Variants in KCNIP4 observed in about 807,000 individuals in gnomAD.
The protein encoded by KCNIP4 is Kv channel-interacting protein 4.
In KCNIP4, 12 loss-of-function variants were observed where a neutral mutation model predicts 34.0. The ratio of observed to expected loss-of-function variants is 0.35; its 90% CI spans 0.23 to 0.57. The LOEUF (loss-of-function observed/expected upper bound fraction) is 0.57. Ranked by LOEUF, KCNIP4 falls within the 20% of genes least tolerant of loss-of-function variation. The pLI is 0.83. For synonymous variants in KCNIP4, 124 were observed against 102.2 expected, an observed-to-expected ratio of 1.21 and a Z score of -1.29; for missense variants, 238 against 311.7, an observed-to-expected ratio of 0.76 and a Z score of 1.78.
At chr4:21,715,232 C>T (rs533034169) in intron 1 of KCNIP4, among the ~76,000 whole-genome samples, 47 of 151,652 alleles carry the variant, frequency 3.1e-4, no homozygotes, top group Admixed American at 2.2e-3. Context: ...ACCAGGTTCA[C>T]GCCATTCTCC....
At chr4:21,420,482 AG>A (rs1373375404) in intron 1 of KCNIP4, among the ~76,000 whole-genome samples, 6 of 152,340 alleles carry the variant, frequency 3.9e-5, no homozygotes, top group African/African-American at 1.4e-4. Flanking sequence ...CTTGCTGAAA[AG>A]CATTCAATAT....
At chr4:21,258,552 T>A (rs1345713366) in intron 1 of KCNIP4, among the ~76,000 whole-genome samples, 1 of 152,198 alleles carries the variant, frequency 6.6e-6, no homozygotes, top group East Asian at 1.9e-4. Context: ...CTTATATCTT[T>A]AAGACAATAA....
At chr4:20,989,136 C>T (rs1736855997) in intron 1 of KCNIP4, among the ~76,000 whole-genome samples, 1 of 152,200 alleles carries the variant, frequency 6.6e-6, no homozygotes, top group African/African-American at 2.4e-5. Flanking sequence ...ATTGAGTTCT[C>T]ACATGTATAT....
chr4:20,854,950 T>G (rs1032883757), intron 2 of KCNIP4, among the ~76,000 whole-genome samples: 1 of 152,204 alleles, frequency 6.6e-6, no homozygotes, highest in Non-Finnish European at 1.5e-5. Context: ...TTTGTGCCCA[T>G]AGATGTTTGG....
intron 1 of KCNIP4, among the ~76,000 whole-genome samples, chr4:21,368,788 A>G (rs1379900319): frequency 6.8e-6 from 1 of 147,674 alleles, no homozygotes; most frequent in Non-Finnish European, 1.5e-5. Context: ...TGAATAAAAA[A>G]TAATGGATAT....
chr4:21,086,352 C>T (rs929332959), intron 1 of KCNIP4, among the ~76,000 whole-genome samples: 1 of 152,172 alleles, frequency 6.6e-6, no homozygotes, highest in Non-Finnish European at 1.5e-5. Flanking sequence ...CCATCTCCAT[C>T]GTTGCATTGA....
At chr4:21,035,882 G>A (rs965000677) in intron 1 of KCNIP4, among the ~76,000 whole-genome samples, 6 of 152,138 alleles carry the variant, frequency 3.9e-5, no homozygotes, top group South Asian at 2.1e-4. Context: ...AGAGTGGGAC[G>A]TGCTTGAGAG....
intron 1 of KCNIP4, among the ~76,000 whole-genome samples, chr4:21,270,090 T>C (rs1359094877): frequency 6.6e-6 from 1 of 152,172 alleles, no homozygotes; most frequent in Non-Finnish European, 1.5e-5. Flanking sequence ...TTTCATACTC[T>C]AGGTAAACAG....
chr4:21,572,200 T>C (rs183490446), intron 1 of KCNIP4, among the ~76,000 whole-genome samples: 100 of 152,290 alleles, frequency 6.6e-4, no homozygotes, highest in Non-Finnish European at 1.2e-3. Context: ...CTGCTACTTG[T>C]CAAATAGTCA....
intron 3 of KCNIP4, among the ~76,000 whole-genome samples, chr4:20,780,035 A>G (rs954062884): frequency 2.6e-5 from 4 of 152,208 alleles, no homozygotes; most frequent in Non-Finnish European, 4.4e-5. Context: ...TAATACATGC[A>G]TGATTGTAGG....
intron 1 of KCNIP4, among the ~76,000 whole-genome samples, chr4:21,868,661 G>A (rs1725575565): frequency 6.6e-6 from 1 of 152,160 alleles, no homozygotes; most frequent in South Asian, 2.1e-4. Context: ...TTTCCTCAAG[G>A]AAACACAGAT....
intron 1 of KCNIP4, among the ~76,000 whole-genome samples, chr4:21,138,243 AAG>A (rs1751666698): frequency 6.6e-6 from 1 of 152,086 alleles, no homozygotes; most frequent in Non-Finnish European, 1.5e-5. Flanking sequence ...TCTGTGCCCT[AAG>A]GATCCCACTC....
chr4:21,755,910 T>A lies in KCNIP4; in HGVS notation c.61+192661A>T, dbSNP rs1323767012. On this transcript the variant is annotated intron_variant, in intron 1 of 8. Transcript: ENST00000382152. The stretch of plus-strand genomic sequence containing the variant: ...GATCTTTTCTTGTGTTATGGTTGTA[T>A]TGATATAATAAATTGCATTTTCCCT... Among the ~76,000 whole-genome samples, 3 of 152,194 alleles carry A rather than the reference T, an allele frequency of 2.0e-5. No individual in the cohort carries two copies. In the East Asian group the frequency reaches 5.8e-4, roughly 29 times the overall value.
At chr4:21,912,527 A>G (rs1485158318) in intron 1 of KCNIP4, among the ~76,000 whole-genome samples, 4 of 152,206 alleles carry the variant, frequency 2.6e-5, no homozygotes, top group Non-Finnish European at 5.9e-5. Flanking sequence ...GAGCTATGAC[A>G]GAAATAATGT....
At chr4:21,132,930 T>G (rs1751193986) in intron 1 of KCNIP4, among the ~76,000 whole-genome samples, 1 of 151,134 alleles carries the variant, frequency 6.6e-6, no homozygotes, top group South Asian at 2.1e-4. Flanking sequence ...GGAGAATTGC[T>G]TGAACCCAGG....
intron 1 of KCNIP4, among the ~76,000 whole-genome samples, chr4:21,733,044 T>A (rs1394245692): frequency 6.6e-6 from 1 of 152,170 alleles, no homozygotes; most frequent in African/African-American, 2.4e-5. Context: ...CAAACTGTAC[T>A]CTCCCCAAGT....
chr4:21,499,330 C>CAAAAAAAAAAAA (rs527385773), intron 1 of KCNIP4, among the ~76,000 whole-genome samples: 88 of 98,214 alleles, frequency 9.0e-4, no homozygotes, highest in African/African-American at 3.3e-3. Flanking sequence ...GACTCCATCT[C>CAAAAAAAAAAAA]AAAAAAAAAA....
At chr4:21,310,839 A>G (rs538497402) in intron 1 of KCNIP4, among the ~76,000 whole-genome samples, 2 of 152,044 alleles carry the variant, frequency 1.3e-5, no homozygotes, top group African/African-American at 4.8e-5. Context: ...CATGTTAGCC[A>G]GGACGGTCTG....
chr4:21,446,248 A>G (rs2109726118), intron 1 of KCNIP4, among the ~76,000 whole-genome samples: 1 of 152,214 alleles, frequency 6.6e-6, no homozygotes, highest in South Asian at 2.1e-4. Flanking sequence ...TAGAAATACC[A>G]TTTGACCCAG....
Sources: gnomAD v4.1 joint callset for allele counts (sites outside exome capture counted in the v4.1 genomes callset) on GRCh38, gnomAD v4.1.1 for gene constraint, MANE v1.5 for transcripts, NCBI Gene and HGNC (gene_info 2026-07-23, HGNC 2026-07-21) for gene names.